Variants in LYPLAL1 observed in about 807,000 individuals in gnomAD.
LYPLAL1 encodes the protein lysophospholipase like 1, also known as lysophospholipase-like protein 1.
LYPLAL1 carries 23 observed loss-of-function variants against 19.7 expected under a neutral mutation model. That is an observed-to-expected ratio of 1.17 (90% CI 0.84 to 1.65). The LOEUF (loss-of-function observed/expected upper bound fraction) is 1.65. Among genes scored for constraint, LYPLAL1 ranks in the 40% most tolerant of loss-of-function variants. The pLI, the probability that LYPLAL1 is intolerant of heterozygous loss-of-function variation, is 0.00. For missense variants in LYPLAL1, 355 were observed against 279.4 expected, an observed-to-expected ratio of 1.27 and a Z score of -1.93; for synonymous variants, 119 against 96.3, an observed-to-expected ratio of 1.24 and a Z score of -1.38.
At chr1:219,402,754 A>G in the LYPLAL1 span, among the ~76,000 whole-genome samples, 7 of 152,282 alleles carry the variant, frequency 4.6e-5, no homozygotes, top group South Asian at 1.0e-3. Flanking sequence ...ACATAAATAC[A>G]TATTAATTCA....
the LYPLAL1 span, among the ~76,000 whole-genome samples, chr1:219,288,469 C>T: frequency 4.6e-5 from 7 of 152,000 alleles, no homozygotes; most frequent in African/African-American, 1.2e-4. Flanking sequence ...GGGTTTGAGG[C>T]GTGGGATAAT....
chr1:219,424,342 G>C, the LYPLAL1 span, among the ~76,000 whole-genome samples: 1 of 152,092 alleles, frequency 6.6e-6, no homozygotes, highest in Non-Finnish European at 1.5e-5. Context: ...AATTTCAAAT[G>C]GCTTAAAGTA....
At chr1:219,235,300 A>G in the LYPLAL1 span, among the ~76,000 whole-genome samples, 1 of 152,204 alleles carries the variant, frequency 6.6e-6, no homozygotes, top group Non-Finnish European at 1.5e-5. Flanking sequence ...TAAAGGTGAC[A>G]TTCTTAAAAC....
chr1:219,385,454 A>T, the LYPLAL1 span, among the ~76,000 whole-genome samples: 26 of 152,300 alleles, frequency 1.7e-4, no homozygotes, highest in South Asian at 5.2e-3. Flanking sequence ...TTTGAGCACA[A>T]TATATGTGAT....
chr1:219,208,428 C>G (rs1658741626), intron 3 of LYPLAL1, among the ~76,000 whole-genome samples: 1 of 151,868 alleles, frequency 6.6e-6, no homozygotes, highest in Non-Finnish European at 1.5e-5. Flanking sequence ...AACTAGTTTC[C>G]TTAATGTTGT....
the LYPLAL1 span, among the ~76,000 whole-genome samples, chr1:219,249,162 C>T: frequency 6.6e-5 from 10 of 152,026 alleles, no homozygotes; most frequent in South Asian, 2.1e-3. Context: ...TACTCTCAGG[C>T]TTCTCATCTA....
At chr1:219,220,484 G>A in the LYPLAL1 span, among the ~76,000 whole-genome samples, 1 of 152,094 alleles carries the variant, frequency 6.6e-6, no homozygotes, top group Non-Finnish European at 1.5e-5. Context: ...ATCATGCCCA[G>A]TAATTGTCAG....
At chr1:219,367,556 A>G in the LYPLAL1 span, among the ~76,000 whole-genome samples, 8 of 152,174 alleles carry the variant, frequency 5.3e-5, no homozygotes, top group African/African-American at 1.9e-4. Context: ...TTAATTTTAC[A>G]TAAACACACT....
the LYPLAL1 span, among the ~76,000 whole-genome samples, chr1:219,359,725 A>G: frequency 6.6e-6 from 1 of 152,212 alleles, no homozygotes; most frequent in African/African-American, 2.4e-5. Flanking sequence ...AGGGATATAA[A>G]CTGATTGTAA....
chr1:219,264,808 A>G, the LYPLAL1 span, among the ~76,000 whole-genome samples: 2 of 152,218 alleles, frequency 1.3e-5, no homozygotes, highest in African/African-American at 4.8e-5. Context: ...TTTAGATTCT[A>G]CTAGAGCAAA....
chr1:219,287,426 A>G, the LYPLAL1 span, among the ~76,000 whole-genome samples: 10 of 152,320 alleles, frequency 6.6e-5, no homozygotes, highest in African/African-American at 2.2e-4. Flanking sequence ...CAAATAAGCA[A>G]ATGACAAGTT....
intron 2 of LYPLAL1, among the ~76,000 whole-genome samples, chr1:219,182,778 T>C (rs963551023): frequency 6.6e-6 from 1 of 152,098 alleles, no homozygotes; most frequent in Non-Finnish European, 1.5e-5. Context: ...TCCTATAAGG[T>C]ATATTGAAGA....
chr1:219,331,002 A>C, the LYPLAL1 span, among the ~76,000 whole-genome samples: 42 of 152,212 alleles, frequency 2.8e-4, no homozygotes, highest in Non-Finnish European at 5.1e-4. Flanking sequence ...TGCTGTTGTA[A>C]AGGCTTCTCA....
chr1:219,417,084 CT>C, the LYPLAL1 span, among the ~76,000 whole-genome samples: 144 of 152,288 alleles, frequency 9.5e-4, no homozygotes, highest in African/African-American at 3.2e-3. Flanking sequence ...AAATATTACT[CT>C]TTTTTTCCCC....
the LYPLAL1 span, among the ~76,000 whole-genome samples, chr1:219,380,358 G>A: frequency 2.0e-5 from 3 of 152,212 alleles, no homozygotes; most frequent in Non-Finnish European, 4.4e-5. Context: ...CCCAGACCAC[G>A]GCACAGTTGG....
chr1:219,337,147 A>T, the LYPLAL1 span, among the ~76,000 whole-genome samples: 6 of 151,490 alleles, frequency 4.0e-5, no homozygotes, highest in Admixed American at 1.3e-4. Context: ...TCTCGTGATT[A>T]CATTGGGCAT....
At chr1:219,333,878 C>G in the LYPLAL1 span, among the ~76,000 whole-genome samples, 1 of 152,022 alleles carries the variant, frequency 6.6e-6, no homozygotes, top group African/African-American at 2.4e-5. Flanking sequence ...CAGCTGCCAA[C>G]TTGCCCTCTT....
the LYPLAL1 span, among the ~76,000 whole-genome samples, chr1:219,309,116 C>T: frequency 6.6e-6 from 1 of 152,196 alleles, no homozygotes; most frequent in African/African-American, 2.4e-5. Flanking sequence ...CATTTTGGAG[C>T]TTTCAAATTT....
chr1:219,389,030 T>C, the LYPLAL1 span, among the ~76,000 whole-genome samples: 2 of 152,206 alleles, frequency 1.3e-5, no homozygotes, highest in East Asian at 3.9e-4. Context: ...ATTTAAAATA[T>C]TATTTTCACT....
Sources: gnomAD v4.1 joint callset for allele counts (sites outside exome capture counted in the v4.1 genomes callset) on GRCh38, gnomAD v4.1.1 for gene constraint, MANE v1.5 for transcripts, NCBI Gene and HGNC (gene_info 2026-07-23, HGNC 2026-07-21) for gene names.